Variants in ULK2 observed in about 807,000 individuals in gnomAD.
The protein encoded by ULK2 is unc-51 like autophagy activating kinase 2.
In ULK2, 76 loss-of-function variants were observed where a neutral mutation model predicts 127.5. That is an observed-to-expected ratio of 0.60 (90% confidence interval 0.50 to 0.72). ULK2 has a LOEUF of 0.72. Among genes scored for constraint, ULK2 ranks in the 30% least tolerant of loss-of-function variants. The probability of loss-of-function intolerance (pLI) is 0.00; values close to 1 mark genes in which losing one functional copy is unlikely to be tolerated. For synonymous variants in ULK2, 452 were observed against 461.9 expected (o/e 0.98, Z 0.28); for missense variants, 1,144 against 1,295.9 (o/e 0.88, Z 1.80).
At chr17:19,814,838 T>C (rs1241685208) in intron 13 of ULK2, among the ~76,000 whole-genome samples, 3 of 152,260 alleles carry the variant, frequency 2.0e-5, no homozygotes, top group East Asian at 1.9e-4. Flanking sequence ...TGAACCACAA[T>C]GCCTGGCTCA....
At chr17:19,778,152 G>A (rs181477655) in intron 25 of ULK2, among the ~76,000 whole-genome samples, 93 of 152,334 alleles carry the variant, frequency 6.1e-4, no homozygotes, top group Non-Finnish European at 1.0e-4. Context: ...ATTTTTGGGT[G>A]TAGTCATTCA....
chr17:19,797,327 C>A (rs914386989), intron 18 of ULK2, 69 bp downstream of exon 18: 92 of 1,456,642 alleles, frequency 6.3e-5, no homozygotes, highest in East Asian at 2.4e-5. Flanking sequence ...TATAGCTATT[C>A]TCATAATGAA....
chr17:19,798,370 G>A (rs1035534849), intron 17 of ULK2, among the ~76,000 whole-genome samples: 10 of 152,138 alleles, frequency 6.6e-5, no homozygotes, highest in African/African-American at 2.2e-4. Context: ...AAGAGCCTAA[G>A]AGATCCCTGT....
chr17:19,850,098 G>A (rs1009368699), intron 3 of ULK2, among the ~76,000 whole-genome samples: 7 of 152,038 alleles, frequency 4.6e-5, no homozygotes, highest in Non-Finnish European at 1.0e-4. Context: ...ATTTACAATG[G>A]GGAAAAAGGA....
chr17:19,825,096 G>A lies in ULK2; in HGVS notation c.922C>T (p.Pro308Ser), dbSNP rs772126410. 6.2e-7 allele frequency: 1 copy of A among 1,613,880 alleles called. No individual in the cohort carries two copies. The highest frequency in any genetic ancestry group is 1.7e-5 in the Admixed American group (1 of 59,994). ...SSPSCRFASP[P>S]SLPDMQHIQE... ...ATTTTTAATAAACTGTAACTTACTG[G>A]TGGAGAAGCAAAACGACAAGATGGA... The change falls in exon 12 of 27, where the codon CCA (proline) becomes TCA (serine). Residue 308 changes from proline to serine, a missense_variant and splice_region_variant. Physicochemically the swap from Pro to Ser is moderately conservative, Grantham distance 74. This residue lies in a region of ULK2 where 913 missense variants were observed against 970.5 expected (regional missense o/e 0.94). Transcript: ENST00000395544.
intron 20 of ULK2, 24 bp from the exon 21 acceptor site, chr17:19,786,110 G>C (rs763912034): frequency 1.2e-5 from 19 of 1,556,436 alleles, no homozygotes; most frequent in Non-Finnish European, 1.6e-5. Flanking sequence ...TTTATAGAAG[G>C]TCATATTACC....
At chr17:19,865,067 T>C (rs894146542) in intron 2 of ULK2, among the ~76,000 whole-genome samples, 2 of 151,080 alleles carry the variant, frequency 1.3e-5, no homozygotes, top group Non-Finnish European at 2.9e-5. Context: ...CTACAATTCT[T>C]AAAAAAGAGC....
chr17:19,864,815 G>A lies in ULK2; in HGVS notation c.213C>T (p.Leu71=). 7.6e-7 allele frequency: 1 copy of A among 1,322,838 alleles called. No individual in the cohort carries two copies. Among genetic ancestry groups the A allele is most frequent in the Non-Finnish European group, 1.0e-6 (1 of 1,003,862 alleles). The allele number at this position is 1,322,838 out of a possible 1,614,324, so 81.9% of individuals were successfully genotyped here. A position where few individuals can be genotyped will look rare whatever the true frequency, so the allele number is the denominator to read the frequency against. ...CAAAATAAGGTACCTGAACATCATAGAGTGCTACAATATTTTCATGCTGAA... is the reference window on the plus strand; with the variant it reads ...CAAAATAAGGTACCTGAACATCATAAAGTGCTACAATATTTTCATGCTGAA... ...KELQHENIVA[L]YDVQELPNSV... Residue 71 remains leucine (L), a synonymous_variant, in exon 3 of 27, where the codon CTC becomes CTT. Coordinates refer to ENST00000395544, the MANE Select transcript of ULK2 (RefSeq NM_014683.4).
chr17:19,838,201 C>A (rs965765549), intron 10 of ULK2, among the ~76,000 whole-genome samples: 12 of 151,338 alleles, frequency 7.9e-5, no homozygotes, highest in Admixed American at 6.6e-4. Flanking sequence ...CCCACCCCCA[C>A]TTCTTTATTC....
intron 19 of ULK2, 86 bp from the exon 20 acceptor site, chr17:19,795,811 A>G: frequency 8.0e-7 from 1 of 1,253,162 alleles, no homozygotes; most frequent in Non-Finnish European, 1.2e-6. Context: ...GAATGAGGAA[A>G]CAAGAAATAG....
intron 20 of ULK2, among the ~76,000 whole-genome samples, chr17:19,790,381 C>T (rs753862596): frequency 2.6e-5 from 4 of 152,192 alleles, no homozygotes; most frequent in Admixed American, 6.5e-5. Context: ...CGTGCCCTTG[C>T]ACTCCAGCCT....
intron 3 of ULK2, among the ~76,000 whole-genome samples, chr17:19,862,188 C>T (rs1363838687): frequency 2.0e-5 from 3 of 151,842 alleles, no homozygotes; most frequent in East Asian, 1.9e-4. Context: ...CCTCCGCCTC[C>T]CGGGTTCAAG....
chr17:19,799,521 T>C lies in ULK2; in HGVS notation c.1496A>G (p.His499Arg), dbSNP rs776111174. The change falls in exon 17 of 27, where the codon CAT becomes CGT. Residue 499 changes from histidine to arginine, a missense_variant. Physicochemically the swap from His to Arg is conservative, Grantham distance 29. This residue lies in a region of ULK2 where 913 missense variants were observed against 970.5 expected (regional missense o/e 0.94). Transcript: ENST00000395544. ...TGAGGAGTTTCTACTCCTGGAGTCA[T>C]GGCCCTGAGGATGCCCACAGCAGCA... Reference protein sequence around the residue: ...SQCCCGHPQGHDSRSRNSSGS... With the variant: ...SQCCCGHPQGRDSRSRNSSGS... The C allele has an allele frequency of 3.8e-6, 6 of 1,582,868 alleles. No homozygotes were observed. The highest frequency in any genetic ancestry group is 5.1e-6 in the Non-Finnish European group (6 of 1,170,960).
At chr17:19,800,579 T>C (rs1028226588) in intron 16 of ULK2, among the ~76,000 whole-genome samples, 3 of 152,212 alleles carry the variant, frequency 2.0e-5, no homozygotes, top group Non-Finnish European at 4.4e-5. Context: ...CAACAGGTAA[T>C]GTGGCAATTT....
chr17:19,785,781 A>G (rs765250355), intron 21 of ULK2, among the ~76,000 whole-genome samples, 156 bp downstream of exon 21: 5 of 152,146 alleles, frequency 3.3e-5, no homozygotes, highest in Non-Finnish European at 4.4e-5. Flanking sequence ...CTTATAACCC[A>G]TTAAGATAAA....
At chr17:19,857,794 C>G (rs989669604) in intron 3 of ULK2, among the ~76,000 whole-genome samples, 1 of 152,142 alleles carries the variant, frequency 6.6e-6, no homozygotes, top group Admixed American at 6.6e-5. Context: ...GATCTGGCTC[C>G]TGCTAACCTC....
chr17:19,810,090 G>A (rs2087601419), intron 14 of ULK2, among the ~76,000 whole-genome samples: 1 of 151,782 alleles, frequency 6.6e-6, no homozygotes, highest in Non-Finnish European at 1.5e-5. Flanking sequence ...AATTAGCCAG[G>A]CATGGTGGCC....
At position 19,809,732 on chromosome 17, in the gene ULK2, C is replaced by CA. The variant is rs369486144; in HGVS notation, c.1157+645dup. On this transcript the variant is annotated intron_variant, in intron 14 of 26. Transcript: ENST00000395544. ...TGGGTGACAGGACGAGACTCCGTCTCAAAAAAAAAAAAAAAAAAAAAAATT... is the reference window on the plus strand; with the variant it reads ...TGGGTGACAGGACGAGACTCCGTCTCAAAAAAAAAAAAAAAAAAAAAAAATT... 6.6e-3 allele frequency among the ~76,000 whole-genome samples: 595 copies of CA among 90,486 alleles called. 29 individuals carry two copies. The highest frequency in any genetic ancestry group is 0.023 in the African/African-American group (481 of 20,696). The allele number at this position is 90,486 out of a possible 152,430, so 59.4% of individuals were successfully genotyped here. A position where few individuals can be genotyped will look rare whatever the true frequency, so the allele number is the denominator to read the frequency against.
intron 3 of ULK2, among the ~76,000 whole-genome samples, chr17:19,861,544 C>CAA: frequency 8.3e-6 from 1 of 121,132 alleles, no homozygotes; most frequent in East Asian, 2.6e-4. Flanking sequence ...GACTCCGTCT[C>CAA]AAAAAAAAAA....
Sources: gnomAD v4.1 joint callset for allele counts (sites outside exome capture counted in the v4.1 genomes callset) on GRCh38, gnomAD v4.1.1 for gene constraint, gnomAD v4.1.1 regional missense constraint, MANE v1.5 for transcripts, NCBI Gene and HGNC (gene_info 2026-07-23, HGNC 2026-07-21) for gene names.